MYO9A: variants seen among roughly 807,000 people sequenced by gnomAD.
MYO9A encodes unconventional myosin-IXa.
Under a neutral mutation model 293.3 loss-of-function variants are expected in MYO9A, and 103 were observed. The ratio of observed to expected loss-of-function variants is 0.35; its 90% confidence interval spans 0.30 to 0.41. The LOEUF is 0.41. Among genes scored for constraint, MYO9A ranks in the 10% least tolerant of loss-of-function variants. The pLI, the probability that MYO9A is intolerant of heterozygous loss-of-function variation, is 1.00. For missense variants in MYO9A, 2,685 were observed against 3,033.0 expected (o/e 0.89, Z 2.69); for synonymous variants, 1,001 against 1,035.7 (o/e 0.97, Z 0.64).
At chr15:71,971,682 C>A (rs971243123) in intron 12 of MYO9A, among the ~76,000 whole-genome samples, 1 of 151,628 alleles carries the variant, frequency 6.6e-6, no homozygotes, top group Admixed American at 6.6e-5. Flanking sequence ...GGAACATCAT[C>A]ATGTACCATT....
At chr15:72,111,880 A>G (rs1418613502) in intron 1 of MYO9A, among the ~76,000 whole-genome samples, 3 of 152,080 alleles carry the variant, frequency 2.0e-5, no homozygotes, top group Non-Finnish European at 4.4e-5. Flanking sequence ...CCTAGGCTCA[A>G]CTGATCCTCC....
At chr15:71,926,898 T>C (rs558042215) in intron 18 of MYO9A, among the ~76,000 whole-genome samples, 1 of 151,642 alleles carries the variant, frequency 6.6e-6, no homozygotes, top group Non-Finnish European at 1.5e-5. Context: ...ACCAGTCCAC[T>C]GGCTCTGGAA....
intron 12 of MYO9A, among the ~76,000 whole-genome samples, chr15:71,968,620 G>A (rs1344857650): frequency 1.3e-5 from 2 of 151,996 alleles, no homozygotes; most frequent in African/African-American, 4.8e-5. Context: ...CTCATTGATT[G>A]TACTGATCAA....
chr15:71,913,010 GTT>G (rs879819244), intron 19 of MYO9A, among the ~76,000 whole-genome samples: 1 of 143,282 alleles, frequency 7.0e-6, no homozygotes. Context: ...GATCTCCGTA[GTT>G]TTTTTTTTTT....
chr15:72,017,410 T>G (rs1313243878), intron 6 of MYO9A, among the ~76,000 whole-genome samples: 2 of 152,176 alleles, frequency 1.3e-5, no homozygotes, highest in East Asian at 3.8e-4. Context: ...GTCTTCTATT[T>G]GCAGTATGTG....
intron 19 of MYO9A, among the ~76,000 whole-genome samples, chr15:71,905,577 G>A (rs200122998): frequency 6.6e-5 from 10 of 151,972 alleles, no homozygotes; most frequent in Admixed American, 1.3e-4. Flanking sequence ...CCTGAGGTCA[G>A]AAGTTTGAGA....
At chr15:72,097,866 C>T (rs973626890) in intron 1 of MYO9A, among the ~76,000 whole-genome samples, 16 of 152,104 alleles carry the variant, frequency 1.1e-4, no homozygotes, top group African/African-American at 3.4e-4. Flanking sequence ...GCCGAGATCA[C>T]ACCACTTCAC....
At chr15:72,060,448 G>C (rs1469571886) in intron 1 of MYO9A, among the ~76,000 whole-genome samples, 1 of 152,076 alleles carries the variant, frequency 6.6e-6, no homozygotes. Flanking sequence ...GTGAGGGTAG[G>C]AAAGACAGTC....
At position 71,970,319 on chromosome 15, in the gene MYO9A, C is replaced by T. The variant is rs550879856; in HGVS notation, c.1845-2194G>A. 6.3e-4 allele frequency among the ~76,000 whole-genome samples: 96 copies of T among 152,248 alleles called. 1 individual carries two copies. The highest frequency in any genetic ancestry group is 2.2e-3 in the African/African-American group (90 of 41,548). On this transcript the variant is annotated intron_variant, in intron 12 of 41. Transcript: ENST00000356056. ...TACAGAATCTAGCTAAAGTAACCTG[C>T]CCCATAACATACAGCCATTAAGTAG...
intron 14 of MYO9A, among the ~76,000 whole-genome samples, chr15:71,957,070 A>G (rs1567316444): frequency 6.6e-6 from 1 of 152,044 alleles, no homozygotes; most frequent in Non-Finnish European, 1.5e-5. Context: ...CTGTCTACAC[A>G]TTTTGTTTTG....
At position 71,862,629 on chromosome 15, in the gene MYO9A, G is replaced by C; in HGVS notation, c.5980-18C>G. ...TCTTCCACCTGAATGAAAAAATTTA[G>C]CTACTTATATTAAAGCCAACACAGT... On this transcript the variant is annotated intron_variant, in intron 32 of 41. Transcript: ENST00000356056. The C allele has an allele frequency of 6.5e-7, 1 of 1,539,340 alleles. No individual in the cohort carries two copies. The highest frequency in any genetic ancestry group is 9.0e-7 in the Non-Finnish European group (1 of 1,113,250).
At chr15:72,018,432 T>G (rs1186385406) in intron 6 of MYO9A, among the ~76,000 whole-genome samples, 3 of 152,032 alleles carry the variant, frequency 2.0e-5, no homozygotes, top group African/African-American at 7.2e-5. Context: ...CATGTCACTG[T>G]ACTCCAGTAA....
chr15:71,933,612 A>C, intron 18 of MYO9A, 58 bp downstream of exon 18: 13 of 1,425,660 alleles, frequency 9.1e-6, no homozygotes, highest in Non-Finnish European at 1.3e-5. Context: ...TTGTATGAGT[A>C]ATAAAAAATA....
chr15:71,848,384 GATGGAATT>G (rs2055483214), intron 39 of MYO9A, among the ~76,000 whole-genome samples: 1 of 152,090 alleles, frequency 6.6e-6, no homozygotes, highest in African/African-American at 2.4e-5. Context: ...TAGACTCATA[GATGGAATT>G]CCATTTCCTT....
intron 1 of MYO9A, among the ~76,000 whole-genome samples, chr15:72,067,687 C>T (rs972903316): frequency 1.1e-4 from 17 of 152,198 alleles, no homozygotes; most frequent in Non-Finnish European, 2.4e-4. Context: ...ATAACCAAAA[C>T]ATGAATCTTA....
chr15:72,033,941 C>T (rs2077958425), intron 2 of MYO9A, among the ~76,000 whole-genome samples: 1 of 152,222 alleles, frequency 6.6e-6, no homozygotes, highest in South Asian at 2.1e-4. Context: ...CTACAATAAT[C>T]TCATGGGAAT....
At chr15:71,842,034 G>C (rs1822898600) in intron 39 of MYO9A, among the ~76,000 whole-genome samples, 1 of 152,042 alleles carries the variant, frequency 6.6e-6, no homozygotes, top group South Asian at 2.1e-4. Flanking sequence ...TCTCTCTATG[G>C]AGAGAGGTCC....
rs2054343369 is a variant in MYO9A at position 71,823,288 on chromosome 15, A to G, written c.*3292T>C. The G allele has an allele frequency of 6.6e-6, 1 of 152,224 alleles. No homozygotes were observed. Among genetic ancestry groups the G allele is most frequent in the South Asian group, 2.1e-4 (1 of 4,826 alleles). 9.4% of individuals were successfully genotyped at this position (152,224 alleles called of 1,614,324 possible). A position where few individuals can be genotyped will look rare whatever the true frequency, so the allele number is the denominator to read the frequency against. ...GGACTACAGAACCTTGCTGGACCAC[A>G]TCTTTTCAGCACATTTCTGTGACCC... is the stretch of plus-strand genomic sequence containing the variant. On this transcript the variant is annotated 3_prime_UTR_variant, in exon 42 of 42. Transcript: ENST00000356056.
intron 40 of MYO9A, among the ~76,000 whole-genome samples, chr15:71,828,997 T>C (rs1253605061): frequency 6.6e-6 from 1 of 152,202 alleles, no homozygotes; most frequent in Non-Finnish European, 1.5e-5. Flanking sequence ...GAACAATCAT[T>C]TCAAGAACAG....
Sources: allele counts gnomAD v4.1 joint callset (sites outside exome capture counted in the v4.1 genomes callset), GRCh38; gene constraint gnomAD v4.1.1; transcripts MANE v1.5; gene names NCBI Gene and HGNC (gene_info 2026-07-23, HGNC 2026-07-21).